Variants in RPF2 observed in about 807,000 individuals in gnomAD.
RPF2 encodes the protein ribosome production factor 2 homolog.
RPF2 carries 21 observed loss-of-function variants against 38.9 expected under a neutral mutation model. That is an observed-to-expected ratio of 0.54 (90% confidence interval 0.38 to 0.78). The LOEUF (loss-of-function observed/expected upper bound fraction) is 0.78. RPF2 is among the 30% of genes least tolerant of loss of function. The pLI is 0.00. For missense variants in RPF2, 314 were observed against 358.1 expected, an observed-to-expected ratio of 0.88 and a Z score of 0.99; for synonymous variants, 121 against 126.2, an observed-to-expected ratio of 0.96 and a Z score of 0.28.
chr6:111,025,298 C>A, intron 9 of RPF2, 105 bp from the exon 10 acceptor site: 2 of 696,852 alleles, frequency 2.9e-6, no homozygotes, highest in Non-Finnish European at 4.9e-6. Flanking sequence ...ACTGAAGGGG[C>A]AGGCACTAAT....
chr6:110,993,391 C>T (rs1260212665), intron 4 of RPF2, among the ~76,000 whole-genome samples: 1 of 151,918 alleles, frequency 6.6e-6, no homozygotes, highest in Non-Finnish European at 1.5e-5. Context: ...TTGTAACTAA[C>T]TGCAGTGAAA....
intron 2 of RPF2, among the ~76,000 whole-genome samples, chr6:110,986,770 G>A (rs1392631265): frequency 1.3e-5 from 2 of 151,860 alleles, no homozygotes; most frequent in Non-Finnish European, 2.9e-5. Context: ...TGGCTAACAC[G>A]GTGAAATCCT....
chr6:111,005,505 T>C (rs1771892152), intron 6 of RPF2, among the ~76,000 whole-genome samples: 2 of 152,204 alleles, frequency 1.3e-5, no homozygotes, highest in African/African-American at 4.8e-5. Flanking sequence ...CTGGTGAAAA[T>C]ACTTTTTATA....
chr6:111,019,251 C>T (rs539555158), intron 8 of RPF2, among the ~76,000 whole-genome samples: 37 of 151,786 alleles, frequency 2.4e-4, no homozygotes, highest in South Asian at 4.2e-4. Flanking sequence ...TGGTGGCGCA[C>T]GCCTGTAATC....
In RPF2 at chr6:110,997,249, A is replaced by G. The variant is rs1366158191; in HGVS notation, c.301A>G (p.Asn101Asp). 2 of 1,586,374 alleles carry G rather than the reference A, an allele frequency of 1.3e-6. No homozygotes were observed. The highest frequency in any genetic ancestry group is 2.2e-5 in the South Asian group (2 of 90,106). Reference sequence around the variant, plus strand: ...TGGCTCCCATAATAAGAAGCGGCCAAATAATCTAGTAATAGGTAAGTATAA... The same window carrying G: ...TGGCTCCCATAATAAGAAGCGGCCAGATAATCTAGTAATAGGTAAGTATAA... ...MFGSHNKKRP[N>D]NLVIGRMYDY... is the part of the protein sequence containing the mutation. Residue 101 changes from asparagine (N) to aspartate (D), a missense_variant, in exon 5 of 10, where the codon AAT becomes GAT. Asn to Asp is a conservative substitution (Grantham distance 23, BLOSUM62 1). Transcript: ENST00000441448.
chr6:111,011,747 CAGAG>C (rs1256567518), intron 7 of RPF2, among the ~76,000 whole-genome samples: 1 of 152,136 alleles, frequency 6.6e-6, no homozygotes, highest in East Asian at 1.9e-4. Context: ...TTTGTTATAA[CAGAG>C]AGAGCTTTTG....
At chr6:111,019,363 T>A (rs771050604) in intron 8 of RPF2, among the ~76,000 whole-genome samples, 1 of 152,018 alleles carries the variant, frequency 6.6e-6, no homozygotes, top group Non-Finnish European at 1.5e-5. Flanking sequence ...TTGCTTCAGC[T>A]TGGGAGGCAG....
rs563963632 is a variant in RPF2, at chr6:110,983,254, T to C, written c.23+1125T>C. Among the ~76,000 whole-genome samples the C allele has an allele frequency of 7.9e-5, 12 of 152,332 alleles. No homozygotes were observed. In the South Asian group the frequency reaches 2.1e-3, roughly 26 times the overall value. ...GAAGTGTGTAAAAACATGCCACTCC[T>C]ACTGTCACATCATAAAGTCAGAATA... is the stretch of plus-strand genomic sequence containing the variant. On this transcript the variant is annotated intron_variant, in intron 1 of 9. Transcript: ENST00000441448.
At position 111,027,137 on chromosome 6, in the gene RPF2, A is replaced by T. The variant is rs548033931; in HGVS notation, c.*1555A>T. ...TTTATGTAAGCTTGCTCAGCTACAG[A>T]TCAACAATGCTGGCACTAAGCAAAA... On this transcript the variant is annotated 3_prime_UTR_variant, in exon 10 of 10. Transcript: ENST00000441448. The T allele has an allele frequency of 5.0e-4, 76 of 152,282 alleles. No individual in the cohort carries two copies. The highest frequency in any genetic ancestry group is 1.8e-3 in the African/African-American group (75 of 41,548). 9.4% of individuals were successfully genotyped at this position (152,282 alleles called of 1,614,324 possible). A position where few individuals can be genotyped will look rare whatever the true frequency, so the allele number is the denominator to read the frequency against.
In RPF2 at chr6:111,023,880, C is replaced by T. The variant is rs373013497; in HGVS notation, c.597-303C>T. Among the ~76,000 whole-genome samples the T allele has an allele frequency of 9.2e-5, 14 of 151,660 alleles. No homozygotes were observed. The East Asian group carries it at 1.6e-3, about 17-fold the overall frequency. On this transcript the variant is annotated intron_variant, in intron 8 of 9. Coordinates refer to ENST00000441448, the MANE Select transcript of RPF2 (RefSeq NM_032194.3). ...GCGGGTGCCTGTAGTCCCAGCTACT[C>T]GGGAGGCTGAGGCAGGAGAATGGCG... is the stretch of plus-strand genomic sequence containing the variant.
intron 7 of RPF2, among the ~76,000 whole-genome samples, chr6:111,014,703 G>A (rs761988124): frequency 2.0e-5 from 3 of 152,136 alleles, no homozygotes; most frequent in Non-Finnish European, 4.4e-5. Flanking sequence ...GCCTCCTTGA[G>A]GTTCGATTTT....
At chr6:111,011,740 G>A (rs1310281102) in intron 7 of RPF2, among the ~76,000 whole-genome samples, 2 of 152,102 alleles carry the variant, frequency 1.3e-5, no homozygotes, top group African/African-American at 4.8e-5. Context: ...CTTACAATTT[G>A]TTATAACAGA....
In RPF2 at chr6:111,025,428, A is replaced by G. The variant is rs776068993; in HGVS notation, c.767A>G (p.His256Arg). 6.2e-7 allele frequency: 1 copy of G among 1,606,674 alleles called. No homozygotes were observed. The highest frequency in any genetic ancestry group is 8.5e-7 in the Non-Finnish European group (1 of 1,176,486). ...CCAAAGAAGAAGAAAAATATTTCCC[A>G]TGATACTTTTGGTACAACTTATGGA... ...LKPKKKKNIS[H>R]DTFGTTYGRI... is the part of the protein sequence containing the mutation. Residue 256 changes from histidine to arginine, a missense_variant, in exon 10 of 10, where the codon CAT (histidine) becomes CGT (arginine). Physicochemically the swap from His to Arg is conservative, Grantham distance 29. Transcript: ENST00000441448.
intron 6 of RPF2, among the ~76,000 whole-genome samples, chr6:111,000,408 A>G (rs1771794106): frequency 6.6e-6 from 1 of 152,156 alleles, no homozygotes; most frequent in Non-Finnish European, 1.5e-5. Context: ...CTTCCTCTGA[A>G]TTATCACAGC....
At chr6:111,010,466 T>G (rs1358037583) in intron 7 of RPF2, among the ~76,000 whole-genome samples, 2 of 152,156 alleles carry the variant, frequency 1.3e-5, no homozygotes, top group African/African-American at 2.4e-5. Flanking sequence ...ATTTTTTGCT[T>G]CTTTTCCCTC....
At chr6:111,000,490 A>G (rs1771795431) in intron 6 of RPF2, among the ~76,000 whole-genome samples, 2 of 152,316 alleles carry the variant, frequency 1.3e-5, no homozygotes, top group East Asian at 1.9e-4. Context: ...GGCTGATTCT[A>G]TAGTATGTTG....
chr6:111,024,349 A>G (rs1772285870), intron 9 of RPF2, 22 bp downstream of exon 9: 3 of 1,572,484 alleles, frequency 1.9e-6, no homozygotes, highest in Non-Finnish European at 1.7e-6. Context: ...AGAGCTTGGT[A>G]CCACATTTAT....
chr6:111,016,990 C>T (rs1392491927), intron 8 of RPF2, among the ~76,000 whole-genome samples: 7 of 152,214 alleles, frequency 4.6e-5, no homozygotes, highest in South Asian at 2.1e-4. Context: ...CAGAGAGCAC[C>T]GGCTTGGGGG....
At chr6:111,007,243 G>C (rs1157772783) in intron 6 of RPF2, among the ~76,000 whole-genome samples, 1 of 152,118 alleles carries the variant, frequency 6.6e-6, no homozygotes, top group Non-Finnish European at 1.5e-5. Context: ...TGCTTGGTTG[G>C]TTGTGTTGTG....
Sources: gnomAD v4.1 joint callset for allele counts (sites outside exome capture counted in the v4.1 genomes callset) on GRCh38, gnomAD v4.1.1 for gene constraint, MANE v1.5 for transcripts, NCBI Gene and HGNC (gene_info 2026-07-23, HGNC 2026-07-21) for gene names.